The following NBEA variants were observed in gnomAD, a reference collection of about 807,000 sequenced individuals.
The protein encoded by NBEA is lysosomal-trafficking regulator 2.
NBEA carries 44 observed loss-of-function variants against 343.4 expected under a neutral mutation model. The observed-to-expected ratio is 0.13, with a 90% confidence interval of 0.10 to 0.16. The LOEUF (loss-of-function observed/expected upper bound fraction) is 0.16. Among genes scored for constraint, NBEA ranks in the 10% least tolerant of loss-of-function variants. The pLI is 1.00. For missense variants in NBEA, 2,555 were observed against 3,631.3 expected (o/e 0.70, Z 7.62); for synonymous variants, 1,175 against 1,238.7 (o/e 0.95, Z 1.08).
intron 38 of NBEA, among the ~76,000 whole-genome samples, chr13:35,402,941 A>C (rs1188620534): frequency 1.3e-5 from 2 of 152,086 alleles, no homozygotes; most frequent in African/African-American, 4.8e-5. Flanking sequence ...TAAGCTTCTT[A>C]AAAAGTGATG....
intron 8 of NBEA, among the ~76,000 whole-genome samples, chr13:35,068,137 A>T (rs994686395): frequency 6.6e-6 from 1 of 152,162 alleles, no homozygotes; most frequent in African/African-American, 2.4e-5. Flanking sequence ...GTTTATATTG[A>T]AATTACATTA....
chr13:34,996,464 T>TTG (rs147410730), intron 1 of NBEA, among the ~76,000 whole-genome samples: 51,133 of 150,458 alleles, frequency 0.34, 9,617 homozygotes, highest in Middle Eastern at 0.53. Context: ...ACCTCTGCGT[T>TTG]TGTGTGTGTG....
intron 38 of NBEA, among the ~76,000 whole-genome samples, chr13:35,414,610 T>C (rs1264708102): frequency 3.3e-5 from 5 of 152,200 alleles, no homozygotes; most frequent in African/African-American, 1.2e-4. Flanking sequence ...TGTGCCACAT[T>C]TTCTTAATCC....
At chr13:35,364,889 G>T (rs1011441412) in intron 38 of NBEA, among the ~76,000 whole-genome samples, 1 of 151,710 alleles carries the variant, frequency 6.6e-6, no homozygotes, top group African/African-American at 2.4e-5. Context: ...TATAATGCAG[G>T]TGCAAAGGGA....
Position 35,616,252 on chromosome 13 carries a change from G to T in NBEA, c.7449+9674G>T, listed in dbSNP as rs1391313511. On this transcript the variant is annotated intron_variant, in intron 48 of 58. Coordinates refer to ENST00000379939, the MANE Select transcript of NBEA (RefSeq NM_001385012.1). Reference sequence around the variant, plus strand: ...TCTTAAAGTCTGTAAAATTCCACCTGTATTTTGAATTAAATTTAATTTATA... The same window carrying T: ...TCTTAAAGTCTGTAAAATTCCACCTTTATTTTGAATTAAATTTAATTTATA... 2.0e-5 allele frequency among the ~76,000 whole-genome samples: 3 copies of T among 152,200 alleles called. No homozygotes were observed. In the South Asian group the frequency reaches 6.2e-4, roughly 32 times the overall value.
At chr13:35,177,606 T>C (rs12874420) in intron 28 of NBEA, among the ~76,000 whole-genome samples, 1 of 151,828 alleles carries the variant, frequency 6.6e-6, no homozygotes, top group Non-Finnish European at 1.5e-5. Flanking sequence ...AGGGAAAAGA[T>C]GAAGAGGTTT....
At chr13:35,316,285 T>C (rs2037713569) in intron 36 of NBEA, among the ~76,000 whole-genome samples, 1 of 152,016 alleles carries the variant, frequency 6.6e-6, no homozygotes, top group South Asian at 2.1e-4. Flanking sequence ...CAGGCCCCAG[T>C]GTGTGATGTT....
intron 38 of NBEA, among the ~76,000 whole-genome samples, chr13:35,427,941 G>T (rs949634483): frequency 5.9e-5 from 9 of 152,202 alleles, no homozygotes; most frequent in African/African-American, 1.9e-4. Flanking sequence ...GCCATGTGCG[G>T]GATATAATCT....
chr13:35,350,728 A>ATG (rs34088295), intron 37 of NBEA, among the ~76,000 whole-genome samples: 30,266 of 137,438 alleles, frequency 0.22, 3,791 homozygotes, highest in Middle Eastern at 0.31. Context: ...AGAGCTATTG[A>ATG]TGTGTGTGTG....
At chr13:35,019,348 A>T (rs1161116582) in intron 1 of NBEA, among the ~76,000 whole-genome samples, 1 of 148,816 alleles carries the variant, frequency 6.7e-6, no homozygotes, top group Non-Finnish European at 1.5e-5. Flanking sequence ...CCCAGGCTGG[A>T]GTGCAGTGGT....
chr13:35,660,759 C>T (rs1467983585), intron 55 of NBEA, among the ~76,000 whole-genome samples: 1 of 152,132 alleles, frequency 6.6e-6, no homozygotes, highest in Non-Finnish European at 1.5e-5. Flanking sequence ...GAAAGCATGG[C>T]CGATGGATAG....
At chr13:34,945,281 G>T (rs867677655) in intron 1 of NBEA, among the ~76,000 whole-genome samples, 5 of 152,082 alleles carry the variant, frequency 3.3e-5, no homozygotes, top group Non-Finnish European at 5.9e-5. Flanking sequence ...AAAAGGAGCT[G>T]TTTATTACTA....
chr13:35,630,884 G>A (rs1164763296), intron 49 of NBEA, among the ~76,000 whole-genome samples: 2 of 152,128 alleles, frequency 1.3e-5, no homozygotes, highest in African/African-American at 4.8e-5. Context: ...TTAGTACAGT[G>A]TAGACATAAC....
chr13:35,610,402 C>T (rs1439223010), intron 48 of NBEA, among the ~76,000 whole-genome samples: 2 of 151,886 alleles, frequency 1.3e-5, no homozygotes, highest in Admixed American at 6.6e-5. Flanking sequence ...GAGCAAGACC[C>T]TCTCTCAAAA....
At chr13:35,294,408 A>C (rs888938085) in intron 35 of NBEA, among the ~76,000 whole-genome samples, 17 of 152,144 alleles carry the variant, frequency 1.1e-4, no homozygotes, top group African/African-American at 4.1e-4. Flanking sequence ...CCTATTAAAA[A>C]ATATTCATTG....
chr13:35,350,499 A>G (rs1294359916), intron 37 of NBEA, among the ~76,000 whole-genome samples: 1 of 151,946 alleles, frequency 6.6e-6, no homozygotes, highest in South Asian at 2.1e-4. Context: ...ACACACACCA[A>G]TTTTTCACTC....
intron 41 of NBEA, among the ~76,000 whole-genome samples, chr13:35,547,420 G>T (rs917171599): frequency 6.6e-6 from 1 of 152,148 alleles, no homozygotes; most frequent in Non-Finnish European, 1.5e-5. Flanking sequence ...ATGCTCCCAG[G>T]CTGTAGCTAA....
At chr13:35,001,193 G>A (rs984835190) in intron 1 of NBEA, among the ~76,000 whole-genome samples, 1 of 152,106 alleles carries the variant, frequency 6.6e-6, no homozygotes, top group Non-Finnish European at 1.5e-5. Context: ...AGGATACAGA[G>A]AAAAGGGAAC....
At chr13:34,954,002 C>T (rs774334670) in intron 1 of NBEA, among the ~76,000 whole-genome samples, 3 of 152,224 alleles carry the variant, frequency 2.0e-5, no homozygotes, top group Non-Finnish European at 4.4e-5. Context: ...CATCCCAAAA[C>T]CATTCCCCCT....
Sources: gnomAD v4.1 joint callset for allele counts (sites outside exome capture counted in the v4.1 genomes callset) on GRCh38, gnomAD v4.1.1 for gene constraint, MANE v1.5 for transcripts, NCBI Gene and HGNC (gene_info 2026-07-23, HGNC 2026-07-21) for gene names.